Variants in TMED8 observed in about 807,000 individuals in gnomAD.
TMED8 encodes the protein protein TMED8.
TMED8 carries 15 observed loss-of-function variants against 32.7 expected under a neutral mutation model. The ratio of observed to expected loss-of-function variants is 0.46; its 90% confidence interval spans 0.31 to 0.71. The LOEUF is 0.71. Ranked by LOEUF, TMED8 falls within the 30% of genes least tolerant of loss-of-function variation. TMED8 has a pLI of 0.06. For missense variants in TMED8, 390 were observed against 423.9 expected (o/e 0.92, Z 0.70); for synonymous variants, 147 against 161.4 (o/e 0.91, Z 0.68).
intron 1 of TMED8, among the ~76,000 whole-genome samples, chr14:77,371,565 G>T (rs1893680171): frequency 6.6e-6 from 1 of 152,052 alleles, no homozygotes; most frequent in African/African-American, 2.4e-5. Context: ...AATTACATAA[G>T]AACTACTGGT....
At chr14:77,364,370 T>C (rs1893503563) in intron 1 of TMED8, among the ~76,000 whole-genome samples, 2 of 152,076 alleles carry the variant, frequency 1.3e-5, no homozygotes, top group Admixed American at 6.6e-5. Flanking sequence ...CTCAGGAGGC[T>C]GAGGCTAGGA....
Position 77,339,565 on chromosome 14 carries a change from G to A in TMED8, c.*2206C>T, listed in dbSNP as rs1892844035. 6.6e-6 allele frequency: 1 copy of A among 152,178 alleles called. No individual in the cohort carries two copies. Among genetic ancestry groups the A allele is most frequent in the South Asian group, 2.1e-4 (1 of 4,828 alleles). The allele number at this position is 152,178 out of a possible 1,614,324, so 9.4% of individuals were successfully genotyped here. A position where few individuals can be genotyped will look rare whatever the true frequency, so the allele number is the denominator to read the frequency against. ...TAGCTGACTAGAAAACAGCTCAGTAGAAAATTATTTTACAAAGATTATATT... is the reference window on the plus strand; with the variant it reads ...TAGCTGACTAGAAAACAGCTCAGTAAAAAATTATTTTACAAAGATTATATT... On this transcript the variant is annotated 3_prime_UTR_variant, in exon 6 of 6. Transcript: ENST00000216468.
intron 1 of TMED8, chr14:77,359,444 GT>G (rs1594849355): frequency 4.2e-6 from 1 of 237,520 alleles, no homozygotes. Flanking sequence ...TAATGTCCAA[GT>G]TTTTATCCCA....
intron 4 of TMED8, 24 bp from the exon 5 acceptor site, chr14:77,343,507 CTGAGAAACCA>C (rs1336610136): frequency 5.0e-6 from 8 of 1,609,140 alleles, no homozygotes; most frequent in Non-Finnish European, 6.8e-6. Context: ...CAGCTTAGCA[CTGAGAAACCA>C]TGAGGAAACA....
intron 3 of TMED8, among the ~76,000 whole-genome samples, chr14:77,344,268 C>T (rs1472986779): frequency 6.6e-6 from 1 of 152,160 alleles, no homozygotes; most frequent in Non-Finnish European, 1.5e-5. Context: ...GCTACAATTC[C>T]CACTCAAGGG....
intron 5 of TMED8, among the ~76,000 whole-genome samples, chr14:77,342,372 G>C (rs1892923682): frequency 6.6e-6 from 1 of 152,118 alleles, no homozygotes; most frequent in Non-Finnish European, 1.5e-5. Context: ...TCATTTAGTA[G>C]GTGAAAGGAC....
Position 77,343,857 on chromosome 14 carries a change from G to A in TMED8, c.328-34C>T, listed in dbSNP as rs201605494. ...CAGAACTCTGGTTAAAGGAGTATTC[G>A]AGTGGCAGATTCTAATTAATCTCTT... is the stretch of plus-strand genomic sequence containing the variant. On this transcript the variant is annotated intron_variant, in intron 3 of 5. Transcript: ENST00000216468. 2.3e-5 allele frequency: 37 copies of A among 1,593,198 alleles called. No homozygotes were observed. The African/African-American group carries it at 3.5e-4, about 15-fold the overall frequency.
intron 5 of TMED8, 141 bp from the exon 6 acceptor site, chr14:77,342,129 C>A: frequency 2.9e-6 from 2 of 700,902 alleles, no homozygotes; most frequent in Non-Finnish European, 4.8e-6. Flanking sequence ...GTCTGGTGAT[C>A]TTTTGGTCAT....
At chr14:77,372,341 C>T (rs569308054) in intron 1 of TMED8, among the ~76,000 whole-genome samples, 1 of 152,318 alleles carries the variant, frequency 6.6e-6, no homozygotes, top group African/African-American at 2.4e-5. Context: ...ACTTTCCCTA[C>T]AAGGAGAACC....
rs753103756 is a variant in TMED8, at chr14:77,343,363, G to T, written c.575C>A (p.Thr192Asn). ...CTCTGGATGAGTAGGTACCCGGATG[G>T]TCACCACCTCACCACGCTTCACCAC... ...RLVVKRGEVV[T>N]IRVPTHPEGK... Residue 192 changes from threonine (T) to asparagine (N), a missense_variant, in exon 5 of 6, where the codon ACC (threonine) becomes AAC (asparagine). Thr to Asn is a moderately conservative substitution (Grantham distance 65). Coordinates refer to ENST00000216468, the MANE Select transcript of TMED8 (RefSeq NM_213601.3). 1.2e-6 allele frequency: 2 copies of T among 1,614,086 alleles called. No individual in the cohort carries two copies. The highest frequency in any genetic ancestry group is 2.2e-5 in the South Asian group (2 of 91,076).
rs1159935615 is a variant in TMED8, at chr14:77,341,969, A to C, written c.780T>G (p.Asp260Glu). Residue 260 changes from aspartate to glutamate, a missense_variant, in exon 6 of 6, where the codon GAT becomes GAG. By Grantham distance (45) the Asp-to-Glu change is conservative. Coordinates refer to ENST00000216468, the MANE Select transcript of TMED8 (RefSeq NM_213601.3). ...AGGAGCTCCTGGAGCCTCTCTCCAC[A>C]TCTCCAGCTGGAACGGGTTCTGCGT... ...EEIEEPVPAG[D>E]VERGSRSSLR... 1.2e-6 allele frequency: 2 copies of C among 1,613,900 alleles called. No homozygotes were observed. The highest frequency in any genetic ancestry group is 2.7e-5 in the African/African-American group (2 of 74,910).
In TMED8 at chr14:77,357,004, C is replaced by T. The variant is rs559882802; in HGVS notation, c.119-5253G>A. On this transcript the variant is annotated intron_variant, in intron 1 of 5. Transcript: ENST00000216468. ...CTGTCCAGTATAGTAATTACTAGTA[C>T]ACGTAGCTAAATTTAAATTTAAAAG... Among the ~76,000 whole-genome samples, 570 of 152,274 alleles carry T rather than the reference C, an allele frequency of 3.7e-3. 6 individuals are homozygous for T. The highest frequency in any genetic ancestry group is 0.013 in the African/African-American group (553 of 41,546).
At position 77,376,399 on chromosome 14, in the gene TMED8, C is replaced by A. The variant is rs1893815329; in HGVS notation, c.118+537G>T. Among the ~76,000 whole-genome samples, 1 of 152,250 alleles carries A rather than the reference C, an allele frequency of 6.6e-6. No homozygotes were observed. Among genetic ancestry groups the A allele is most frequent in the Admixed American group, 6.5e-5 (1 of 15,286 alleles). Reference sequence around the variant, plus strand: ...CTCTAAGCGATGGAGAGGATGGCAGCAAGGCCAGGGGGCCTATGTGCAGGA... The same window carrying A: ...CTCTAAGCGATGGAGAGGATGGCAGAAAGGCCAGGGGGCCTATGTGCAGGA... On this transcript the variant is annotated intron_variant, in intron 1 of 5. Coordinates refer to ENST00000216468, the MANE Select transcript of TMED8 (RefSeq NM_213601.3). The surrounding 1 kb of genome is among the most constrained non-coding windows in gnomAD (Gnocchi z 4.0).
chr14:77,346,765 T>A (rs1053108951), intron 2 of TMED8, among the ~76,000 whole-genome samples: 1 of 135,626 alleles, frequency 7.4e-6, no homozygotes, highest in South Asian at 2.2e-4. Context: ...GTCTGGTTTT[T>A]TTTTTTTTTT....
intron 4 of TMED8, 30 bp from the exon 5 acceptor site, chr14:77,343,513 A>C (rs1398547910): frequency 6.2e-7 from 1 of 1,606,868 alleles, no homozygotes; most frequent in Admixed American, 1.7e-5. Flanking sequence ...AGCACTGAGA[A>C]ACCATGAGGA....
intron 1 of TMED8, among the ~76,000 whole-genome samples, chr14:77,372,952 ATTTTTTTTTTT>A (rs1160815178): frequency 1.4e-4 from 2 of 14,312 alleles, no homozygotes; most frequent in African/African-American, 3.5e-4. Context: ...ATATATATAT[ATTTTTTTTTTT>A]TTTTTTTTTT....
chr14:77,375,991 C>A (rs1009529555), intron 1 of TMED8, among the ~76,000 whole-genome samples: 12 of 152,338 alleles, frequency 7.9e-5, no homozygotes, highest in Admixed American at 6.5e-5. Context: ...AGTGCCTCAA[C>A]CATTATACTT....
rs944566873 is a variant in TMED8, at chr14:77,340,953, C to T, written c.*818G>A. 3 of 149,304 alleles carry T rather than the reference C, an allele frequency of 2.0e-5. No homozygotes were observed. The highest frequency in any genetic ancestry group is 4.9e-5 in the African/African-American group (2 of 40,620). The allele number at this position is 149,304 out of a possible 1,614,324, so 9.2% of individuals were successfully genotyped here. ...ACCAAAAAAAAAAAAAAAAGTAACA[C>T]GACTTTCAAATATGTGGGTTCTGAC... is the stretch of plus-strand genomic sequence containing the variant. On this transcript the variant is annotated 3_prime_UTR_variant, in exon 6 of 6. Coordinates refer to ENST00000216468, the MANE Select transcript of TMED8 (RefSeq NM_213601.3).
At chr14:77,346,565 G>C in intron 2 of TMED8, 87 bp from the exon 3 acceptor site, 1 of 1,552,784 alleles carries the variant, frequency 6.4e-7, no homozygotes, top group Admixed American at 1.7e-5. Context: ...AACAACATTC[G>C]AGATACCCCC....
Sources: gnomAD v4.1 joint callset for allele counts (sites outside exome capture counted in the v4.1 genomes callset) on GRCh38, gnomAD v4.1.1 for gene constraint, Gnocchi (gnomAD v3.1) non-coding constraint, MANE v1.5 for transcripts, NCBI Gene and HGNC (gene_info 2026-07-23, HGNC 2026-07-21) for gene names.